The following POC1B variants were observed in gnomAD, a reference collection of about 807,000 sequenced individuals.
The protein encoded by POC1B is POC1 centriolar protein homolog B.
Under a neutral mutation model 60.6 loss-of-function variants are expected in POC1B, and 44 were observed. The ratio of observed to expected loss-of-function variants is 0.73; its 90% CI spans 0.57 to 0.93. The LOEUF is 0.93. Among genes scored for constraint, POC1B ranks in the 40% least tolerant of loss-of-function variants. The pLI is 0.00. For missense variants in POC1B, 555 were observed against 572.3 expected, an observed-to-expected ratio of 0.97 and a Z score of 0.31; for synonymous variants, 180 against 198.9, an observed-to-expected ratio of 0.90 and a Z score of 0.80.
chr12:89,442,721 A>G (rs867960156), intron 10 of POC1B, among the ~76,000 whole-genome samples: 1 of 152,322 alleles, frequency 6.6e-6, no homozygotes. Context: ...ACCAGCTAAC[A>G]TCATAATGAC....
the POC1B span, among the ~76,000 whole-genome samples, chr12:89,412,321 C>A: frequency 1.3e-5 from 2 of 151,462 alleles, no homozygotes; most frequent in African/African-American, 4.9e-5. Flanking sequence ...GTGATCCGTG[C>A]TGGCATTATT....
At chr12:89,429,924 C>T (rs572290815) in intron 10 of POC1B, among the ~76,000 whole-genome samples, 1 of 152,182 alleles carries the variant, frequency 6.6e-6, no homozygotes, top group Non-Finnish European at 1.5e-5. Context: ...ATTGATCCTA[C>T]AAATAAGGAC....
chr12:89,465,444 G>C (rs1882650418), intron 9 of POC1B, among the ~76,000 whole-genome samples: 1 of 151,794 alleles, frequency 6.6e-6, no homozygotes, highest in Admixed American at 6.6e-5. Flanking sequence ...GATCAATCTT[G>C]GCCAAACCAC....
intron 2 of POC1B, among the ~76,000 whole-genome samples, chr12:89,513,545 T>A (rs537891748): frequency 8.5e-5 from 13 of 152,366 alleles, no homozygotes; most frequent in South Asian, 6.2e-4. Context: ...GTGAAAATAC[T>A]TTAACAGGCT....
chr12:89,480,283 C>T (rs1248161148), intron 4 of POC1B, among the ~76,000 whole-genome samples: 1 of 152,034 alleles, frequency 6.6e-6, no homozygotes, highest in Non-Finnish European at 1.5e-5. Context: ...ACTACAGGTG[C>T]ATGCCACCAT....
At chr12:89,463,890 C>T (rs1005532599) in intron 9 of POC1B, among the ~76,000 whole-genome samples, 1 of 152,158 alleles carries the variant, frequency 6.6e-6, no homozygotes, top group Non-Finnish European at 1.5e-5. Context: ...CACCTTCAAA[C>T]AAGTGAAGCG....
At position 89,497,204 on chromosome 12, in the gene POC1B, C is replaced by G. The variant is rs780595461; in HGVS notation, c.239G>C (p.Arg80Pro). The change falls in exon 3 of 12, where the codon CGA becomes CCA. Residue 80 changes from arginine to proline, a missense_variant. By Grantham distance (103) the Arg-to-Pro change is moderately radical. Coordinates refer to ENST00000313546, the MANE Select transcript of POC1B (RefSeq NM_172240.3). ...PHGNLLASASRDRTVRLWIPD... is the reference protein window; with the variant it reads ...PHGNLLASASPDRTVRLWIPD... The stretch of plus-strand genomic sequence containing the variant: ...AATCCAGAGTCTCACGGTTCTGTCT[C>G]GTGAGGCAGACGCCAATAAGTTTCC... The G allele has an allele frequency of 9.9e-6, 16 of 1,613,804 alleles. No individual in the cohort carries two copies. The highest frequency in any genetic ancestry group is 1.4e-5 in the Non-Finnish European group (16 of 1,180,010).
chr12:89,423,322 G>C (rs1456951325), intron 11 of POC1B, among the ~76,000 whole-genome samples: 1 of 152,052 alleles, frequency 6.6e-6, no homozygotes, highest in Non-Finnish European at 1.5e-5. Context: ...AATAAAAGAA[G>C]AAATGGGGTC....
At chr12:89,514,305 T>C (rs1870331124) in intron 2 of POC1B, among the ~76,000 whole-genome samples, 1 of 151,852 alleles carries the variant, frequency 6.6e-6, no homozygotes, top group Non-Finnish European at 1.5e-5. Flanking sequence ...ATTGTTAAGT[T>C]TCCTGAGGCC....
intron 7 of POC1B, among the ~76,000 whole-genome samples, chr12:89,469,960 T>C (rs1882825924): frequency 6.6e-6 from 1 of 152,210 alleles, no homozygotes; most frequent in African/African-American, 2.4e-5. Context: ...CTCCCCCTCC[T>C]GGGTTCAAGT....
At chr12:89,500,140 A>AT in intron 2 of POC1B, 2 of 1,554,008 alleles carry the variant, frequency 1.3e-6, no homozygotes, top group Admixed American at 3.5e-5. Context: ...ACAGAAGAAG[A>AT]TTTTGTCAAC....
the POC1B span, among the ~76,000 whole-genome samples, chr12:89,407,652 C>T: frequency 6.6e-6 from 1 of 152,048 alleles, no homozygotes; most frequent in East Asian, 1.9e-4. Context: ...TTCAGCTAAC[C>T]CAGGAGCCAA....
chr12:89,444,719 C>T (rs889922593), intron 10 of POC1B, among the ~76,000 whole-genome samples: 2 of 152,186 alleles, frequency 1.3e-5, no homozygotes, highest in African/African-American at 4.8e-5. Context: ...CCTCTCTCAC[C>T]ACTCCAATTG....
At chr12:89,405,307 C>A in the POC1B span, among the ~76,000 whole-genome samples, 1 of 152,140 alleles carries the variant, frequency 6.6e-6, no homozygotes, top group Non-Finnish European at 1.5e-5. Flanking sequence ...CAAATATGGG[C>A]TCTCATTTCA....
At chr12:89,464,884 C>T (rs1882629073) in intron 9 of POC1B, among the ~76,000 whole-genome samples, 1 of 151,270 alleles carries the variant, frequency 6.6e-6, no homozygotes, top group South Asian at 2.1e-4. Flanking sequence ...TTTTATATCA[C>T]AGGGCCTCAA....
intron 4 of POC1B, among the ~76,000 whole-genome samples, chr12:89,474,853 C>T (rs1883044065): frequency 6.6e-6 from 1 of 152,208 alleles, no homozygotes; most frequent in Admixed American, 6.5e-5. Flanking sequence ...GGCTATACAC[C>T]ATCCTTGAAT....
At chr12:89,404,054 C>T in the POC1B span, among the ~76,000 whole-genome samples, 3 of 151,674 alleles carry the variant, frequency 2.0e-5, no homozygotes, top group African/African-American at 4.8e-5. Context: ...ATTGCTTGAA[C>T]TTGGGAGGTG....
intron 2 of POC1B, chr12:89,523,329 A>G: frequency 6.2e-7 from 1 of 1,614,024 alleles, no homozygotes; most frequent in South Asian, 1.1e-5. Flanking sequence ...CAGAAATATC[A>G]CCATAAGCTT....
At position 89,437,454 on chromosome 12, in the gene POC1B, T is replaced by C. The variant is rs1231798919; in HGVS notation, c.1114-12075A>G. On this transcript the variant is annotated intron_variant, in intron 10 of 11. Coordinates refer to ENST00000313546, the MANE Select transcript of POC1B (RefSeq NM_172240.3). ...GAATTCACTCCCCTCTCAGGGCTTC[T>C]TGACTTGTACTTTCTGAGCTGTCCT... Among the ~76,000 whole-genome samples the C allele has an allele frequency of 2.0e-5, 3 of 152,224 alleles. No homozygotes were observed. In the East Asian group the frequency reaches 5.8e-4, roughly 29 times the overall value.
Sources: gnomAD v4.1 joint callset for allele counts (sites outside exome capture counted in the v4.1 genomes callset) on GRCh38, gnomAD v4.1.1 for gene constraint, MANE v1.5 for transcripts, NCBI Gene and HGNC (gene_info 2026-07-23, HGNC 2026-07-21) for gene names.